Variants in ARHGAP10 observed in about 807,000 individuals in gnomAD.
The protein encoded by ARHGAP10 is Rho GTPase activating protein 10, also known as rho GTPase-activating protein 10.
ARHGAP10 carries 87 observed loss-of-function variants against 108.6 expected under a neutral mutation model. The observed-to-expected ratio is 0.80, with a 90% CI of 0.67 to 0.96. The LOEUF is 0.96. ARHGAP10 is among the 40% of genes least tolerant of loss of function. The probability of loss-of-function intolerance (pLI) is 0.00; values close to 1 mark genes in which losing one functional copy is unlikely to be tolerated. For missense variants in ARHGAP10, 939 were observed against 954.5 expected (o/e 0.98, Z 0.21); for synonymous variants, 347 against 341.1 (o/e 1.02, Z -0.19).
At chr4:147,958,868 A>G (rs1318138746) in intron 16 of ARHGAP10, among the ~76,000 whole-genome samples, 1 of 152,238 alleles carries the variant, frequency 6.6e-6, no homozygotes, top group African/African-American at 2.4e-5. Context: ...TTGGCACAGC[A>G]TCATAAGCAG....
chr4:148,048,185 A>G (rs1728971567), intron 20 of ARHGAP10, among the ~76,000 whole-genome samples: 1 of 152,232 alleles, frequency 6.6e-6, no homozygotes, highest in African/African-American at 2.4e-5. Context: ...ATTATAGATA[A>G]TGGTGTCATC....
At chr4:147,870,226 A>AT (rs1201075799) in intron 7 of ARHGAP10, among the ~76,000 whole-genome samples, 2 of 151,788 alleles carry the variant, frequency 1.3e-5, no homozygotes, top group African/African-American at 2.4e-5. Context: ...TGCCCGGCTA[A>AT]TTTTTTTGTA....
chr4:147,864,892 C>T lies in ARHGAP10; in HGVS notation c.533C>T (p.Ser178Phe), dbSNP rs539067385. Residue 178 changes from serine (S) to phenylalanine (F), a missense_variant, in exon 6 of 23, where the codon TCT (serine) becomes TTT (phenylalanine). Physicochemically the swap from Ser to Phe is radical, Grantham distance 155. Coordinates refer to ENST00000336498, the MANE Select transcript of ARHGAP10 (RefSeq NM_024605.4). ...EQNRQHFYEL[S>F]LEYVCKLQEI... is the part of the protein sequence containing the mutation. ...AACCGGCAACACTTCTATGAACTGT[C>T]TCTCGAGTATGTGTGTAAGCTGCAG... 6.2e-7 allele frequency: 1 copy of T among 1,614,104 alleles called. No individual in the cohort carries two copies. The highest frequency in any genetic ancestry group is 2.2e-5 in the East Asian group (1 of 44,882).
At chr4:147,914,635 C>T (rs1736890287) in intron 13 of ARHGAP10, among the ~76,000 whole-genome samples, 1 of 134,500 alleles carries the variant, frequency 7.4e-6, no homozygotes, top group Admixed American at 8.1e-5. Flanking sequence ...TCTTTTGACT[C>T]TGGCTTTGTC....
chr4:148,068,482 C>T (rs1730002004), intron 22 of ARHGAP10, among the ~76,000 whole-genome samples: 1 of 152,172 alleles, frequency 6.6e-6, no homozygotes, highest in East Asian at 1.9e-4. Context: ...ATTCCTAGCA[C>T]AGGGGAATCT....
At chr4:147,844,310 G>A (rs190186682) in intron 3 of ARHGAP10, among the ~76,000 whole-genome samples, 34 of 152,092 alleles carry the variant, frequency 2.2e-4, no homozygotes, top group Admixed American at 3.3e-4. Context: ...GTATCCATCC[G>A]TTCAAGCATT....
chr4:147,774,229 C>G (rs1730194427), intron 1 of ARHGAP10, among the ~76,000 whole-genome samples: 1 of 152,152 alleles, frequency 6.6e-6, no homozygotes, highest in South Asian at 2.1e-4. Flanking sequence ...CATGTTCAGA[C>G]CAAGTTGATA....
rs565419254 is a variant in ARHGAP10, at chr4:147,914,503, A to G, written c.1228+1364A>G. Among the ~76,000 whole-genome samples, 9 of 150,522 alleles carry G rather than the reference A, an allele frequency of 6.0e-5. No individual in the cohort carries two copies. The East Asian group carries it at 1.8e-3, about 29-fold the overall frequency. ...CTCCCAAAATACTGGAATTATAGACATGAGCCACCATGCTTGTCCCTGAGC... is the reference window on the plus strand; with the variant it reads ...CTCCCAAAATACTGGAATTATAGACGTGAGCCACCATGCTTGTCCCTGAGC... On this transcript the variant is annotated intron_variant, in intron 13 of 22. Transcript: ENST00000336498.
At chr4:147,762,536 A>G (rs916994772) in intron 1 of ARHGAP10, among the ~76,000 whole-genome samples, 1 of 149,510 alleles carries the variant, frequency 6.7e-6, no homozygotes, top group African/African-American at 2.5e-5. Context: ...TTATTTATTT[A>G]TTTATTTTTT....
chr4:147,759,529 G>C (rs1238042456), intron 1 of ARHGAP10, among the ~76,000 whole-genome samples: 1 of 150,996 alleles, frequency 6.6e-6, no homozygotes, highest in African/African-American at 2.4e-5. Context: ...TGCTATGTTT[G>C]TGCCTGTGAG....
chr4:147,909,766 G>C lies in ARHGAP10; in HGVS notation c.1151G>C (p.Arg384Thr). Reference sequence around the variant, plus strand: ...AGTTTTAATACAGCCATCATCCCAAGACCAGAAGGAAGTAAGTGCTCATTT... The same window carrying C: ...AGTTTTAATACAGCCATCATCCCAACACCAGAAGGAAGTAAGTGCTCATTT... ...SHSFNTAIIPRPEGNAQLDKM... is the reference protein window; with the variant it reads ...SHSFNTAIIPTPEGNAQLDKM... Residue 384 changes from arginine (R) to threonine (T), a missense_variant, in exon 12 of 23, where the codon AGA becomes ACA. Physicochemically the swap from Arg to Thr is moderately conservative, Grantham distance 71. Coordinates refer to ENST00000336498, the MANE Select transcript of ARHGAP10 (RefSeq NM_024605.4). 6.2e-7 allele frequency: 1 copy of C among 1,610,492 alleles called. No homozygotes were observed. The highest frequency in any genetic ancestry group is 8.5e-7 in the Non-Finnish European group (1 of 1,176,888).
At chr4:147,838,501 C>T (rs1397374221) in intron 3 of ARHGAP10, among the ~76,000 whole-genome samples, 1 of 150,050 alleles carries the variant, frequency 6.7e-6, no homozygotes, top group Non-Finnish European at 1.5e-5. Flanking sequence ...ACACACACAC[C>T]AAAGACTTAA....
chr4:147,905,971 AG>A (rs1291313017), intron 10 of ARHGAP10, among the ~76,000 whole-genome samples: 3 of 152,136 alleles, frequency 2.0e-5, no homozygotes, highest in Non-Finnish European at 4.4e-5. Context: ...TTGGATTTCT[AG>A]GTATTTTATT....
At chr4:147,760,156 A>G (rs560649987) in intron 1 of ARHGAP10, among the ~76,000 whole-genome samples, 2 of 152,254 alleles carry the variant, frequency 1.3e-5, no homozygotes, top group South Asian at 2.1e-4. Context: ...GCTTCCCTGT[A>G]TTCAGGCTGT....
rs550770961 is a variant in ARHGAP10, at chr4:147,793,048, G to A, written c.155-29679G>A. Reference sequence around the variant, plus strand: ...AGCTACTCTGGAGGCTGAGGCAGGAGAATCACTTGAACCTGGGAGGTGGAG... The same window carrying A: ...AGCTACTCTGGAGGCTGAGGCAGGAAAATCACTTGAACCTGGGAGGTGGAG... On this transcript the variant is annotated intron_variant, in intron 1 of 22. Transcript: ENST00000336498. Among the ~76,000 whole-genome samples, 6 of 152,280 alleles carry A rather than the reference G, an allele frequency of 3.9e-5. No individual in the cohort carries two copies. In the South Asian group the frequency reaches 1.2e-3, roughly 32 times the overall value.
intron 3 of ARHGAP10, among the ~76,000 whole-genome samples, chr4:147,840,337 T>C (rs1733361296): frequency 1.3e-5 from 2 of 152,150 alleles, no homozygotes; most frequent in Admixed American, 6.6e-5. Flanking sequence ...GCAGTACCCA[T>C]TTAAATATTT....
intron 20 of ARHGAP10, among the ~76,000 whole-genome samples, chr4:148,052,492 G>A (rs796978454): frequency 7.9e-5 from 12 of 151,270 alleles, no homozygotes; most frequent in African/African-American, 2.9e-4. Flanking sequence ...TCAGGAGAGG[G>A]TGATAAGTAA....
At chr4:147,753,156 G>A (rs770775071) in intron 1 of ARHGAP10, among the ~76,000 whole-genome samples, 28 of 152,234 alleles carry the variant, frequency 1.8e-4, no homozygotes, top group Admixed American at 5.9e-4. Flanking sequence ...CTCAATTTGC[G>A]TATGGAAAGC....
At chr4:148,031,562 C>G (rs1406319290) in intron 19 of ARHGAP10, among the ~76,000 whole-genome samples, 1 of 152,198 alleles carries the variant, frequency 6.6e-6, no homozygotes, top group Non-Finnish European at 1.5e-5. Flanking sequence ...CAACTGTGAA[C>G]TTCTCTTCCC....
Sources: allele counts gnomAD v4.1 joint callset (sites outside exome capture counted in the v4.1 genomes callset), GRCh38; gene constraint gnomAD v4.1.1; transcripts MANE v1.5; gene names NCBI Gene and HGNC (gene_info 2026-07-23, HGNC 2026-07-21).